The following DMRTB1 variants were observed in gnomAD, a reference collection of about 807,000 sequenced individuals.
The protein encoded by DMRTB1 is doublesex- and mab-3-related transcription factor B1.
DMRTB1 carries 9 observed loss-of-function variants against 25.2 expected under a neutral mutation model. The ratio of observed to expected loss-of-function variants is 0.36; its 90% CI spans 0.22 to 0.62. DMRTB1 has a LOEUF of 0.62. DMRTB1 is among the 20% of genes least tolerant of loss of function. The pLI is 0.71. For missense variants in DMRTB1, 551 were observed against 499.3 expected, an observed-to-expected ratio of 1.10 and a Z score of -0.99; for synonymous variants, 269 against 238.1, an observed-to-expected ratio of 1.13 and a Z score of -1.20.
rs201603810 is a variant in DMRTB1, at chr1:53,459,636, C to T, written c.183C>T (p.Ala61=). ...AGAAGGTGCTCAAGACGCAGGCCGC[C>T]GAGGAGGAGCAGGAGGCGGCCCTGT... ...AAQKVLKTQA[A]EEEQEAALCA... Residue 61 remains alanine, a synonymous_variant, in exon 1 of 4, where the codon GCC becomes GCT. Transcript: ENST00000371445. The T allele has an allele frequency of 1.9e-4, 293 of 1,560,910 alleles. 1 individual carries two copies. In the East Asian group the frequency reaches 5.5e-3, roughly 29 times the overall value.
Position 53,459,668 on chromosome 1 carries a change from A to C in DMRTB1, c.215A>C (p.Gln72Pro). 6.5e-7 allele frequency: 1 copy of C among 1,547,412 alleles called. No individual in the cohort carries two copies. The highest frequency in any genetic ancestry group is 8.7e-7 in the Non-Finnish European group (1 of 1,146,500). ...GAGCAGGAGGCGGCCCTGTGTGCGCAGGGGCCCAAGCAGGCCTCCGGGGCT... is the reference window on the plus strand; with the variant it reads ...GAGCAGGAGGCGGCCCTGTGTGCGCCGGGGCCCAAGCAGGCCTCCGGGGCT... ...EEEQEAALCA[Q>P]GPKQASGAAA... Residue 72 changes from glutamine to proline, a missense_variant, in exon 1 of 4, where the codon CAG (glutamine) becomes CCG (proline). Transcript: ENST00000371445.
Position 53,466,706 on chromosome 1 carries a change from G to A in DMRTB1, c.*44G>A, listed in dbSNP as rs1186810071. ...TGGCCAGCAGAGTGGGGCACTGGGG[G>A]GCAACAGCAACAGTTTTCTTGTCTT... On this transcript the variant is annotated 3_prime_UTR_variant, in exon 4 of 4. Coordinates refer to ENST00000371445, the MANE Select transcript of DMRTB1 (RefSeq NM_033067.3). 1 of 1,587,158 alleles carries A rather than the reference G, an allele frequency of 6.3e-7. No homozygotes were observed. The highest frequency in any genetic ancestry group is 8.6e-7 in the Non-Finnish European group (1 of 1,160,028).
chr1:53,459,771 C>T lies in DMRTB1; in HGVS notation c.318C>T (p.Asp106=). Residue 106 remains aspartate (D), a synonymous_variant, in exon 1 of 4, where the codon GAC becomes GAT. Coordinates refer to ENST00000371445, the MANE Select transcript of DMRTB1 (RefSeq NM_033067.3). The part of the protein sequence containing the change: ...RPLSPGTPSG[D]ADPGPEGRAA... ...TGTCCCCGGGGACTCCCTCCGGAGA[C>T]GCCGACCCGGGACCCGAGGGCCGCG... The T allele has an allele frequency of 2.2e-6, 3 of 1,378,218 alleles. No homozygotes were observed. Among genetic ancestry groups the T allele is most frequent in the South Asian group, 1.5e-5 (1 of 65,690 alleles). The allele number at this position is 1,378,218 out of a possible 1,614,324, so 85.4% of individuals were successfully genotyped here. A position where few individuals can be genotyped will look rare whatever the true frequency, so the allele number is the denominator to read the frequency against.
intron 2 of DMRTB1, among the ~76,000 whole-genome samples, chr1:53,464,055 G>A (rs1401470251): frequency 2.6e-5 from 4 of 152,162 alleles, no homozygotes; most frequent in Non-Finnish European, 4.4e-5. Context: ...AAACAGCTGC[G>A]CTACACCCAC....
chr1:53,466,744 T>C lies in DMRTB1; in HGVS notation c.*82T>C, dbSNP rs150600400. On this transcript the variant is annotated 3_prime_UTR_variant, in exon 4 of 4. Transcript: ENST00000371445. ...GTTTTCTTGTCTTCATTCAGTGATA[T>C]GTAGGGAGGAAGGAGGTTGATAGCA... 824 of 1,412,370 alleles carry C rather than the reference T, an allele frequency of 5.8e-4. 8 individuals carry two copies. In the South Asian group the frequency reaches 6.7e-3, roughly 12 times the overall value. 87.5% of individuals were successfully genotyped at this position (1,412,370 alleles called of 1,614,324 possible). A position where few individuals can be genotyped will look rare whatever the true frequency, so the allele number is the denominator to read the frequency against.
At chr1:53,462,012 A>G (rs1249477248) in intron 2 of DMRTB1, among the ~76,000 whole-genome samples, 2 of 152,188 alleles carry the variant, frequency 1.3e-5, no homozygotes, top group Non-Finnish European at 2.9e-5. Context: ...TTTAGGGCAG[A>G]GCCAGGACCA....
intron 2 of DMRTB1, among the ~76,000 whole-genome samples, chr1:53,464,290 C>G (rs910484646): frequency 1.3e-5 from 2 of 152,178 alleles, no homozygotes; most frequent in Non-Finnish European, 2.9e-5. Context: ...GTAGCTTCAT[C>G]TCACTGAACC....
intron 2 of DMRTB1, 42 bp downstream of exon 2, chr1:53,461,687 G>A (rs373692183): frequency 8.0e-6 from 12 of 1,508,260 alleles, no homozygotes; most frequent in Non-Finnish European, 1.1e-5. Flanking sequence ...CCTCCACCCA[G>A]TCTGCCCCTG....
Position 53,464,570 on chromosome 1 carries a change from T to C in DMRTB1, c.751-67T>C, listed in dbSNP as rs1287735448. 14 of 1,610,396 alleles carry C rather than the reference T, an allele frequency of 8.7e-6. No individual in the cohort carries two copies. The Admixed American group carries it at 1.2e-4, about 13-fold the overall frequency. ...AGCCCCCCACTTCAGGGGTGAGAGC[T>C]ATGTTTGGTCAGCCCATCTGGCTAA... On this transcript the variant is annotated intron_variant, in intron 2 of 3. Transcript: ENST00000371445.
intron 1 of DMRTB1, 146 bp from the exon 2 acceptor site, chr1:53,461,327 G>A: frequency 1.3e-6 from 1 of 797,074 alleles, no homozygotes; most frequent in Non-Finnish European, 1.8e-6. Context: ...GGAGGATGGA[G>A]ATGCAGTGAG....
chr1:53,460,127 G>A, intron 1 of DMRTB1, 97 bp downstream of exon 1: 2 of 1,395,068 alleles, frequency 1.4e-6, no homozygotes, highest in Non-Finnish European at 1.9e-6. Flanking sequence ...GTGGAGAGAA[G>A]TTTTTCCACG....
Position 53,459,959 on chromosome 1 carries a change from G to A in DMRTB1, c.506G>A (p.Ser169Asn), listed in dbSNP as rs1644009933. Reference sequence around the variant, plus strand: ...CCTTTTGGGGCGGAGGCCGCAGGCAGTGGCTACCCTGGCCCCCTAGACCTG... The same window carrying A: ...CCTTTTGGGGCGGAGGCCGCAGGCAATGGCTACCCTGGCCCCCTAGACCTG... ...GPPFGAEAAG[S>N]GYPGPLDLRR... Residue 169 changes from serine (S) to asparagine (N), a missense_variant, in exon 1 of 4, where the codon AGT becomes AAT. Ser to Asn is a conservative substitution (Grantham distance 46). Transcript: ENST00000371445. 6.3e-7 allele frequency: 1 copy of A among 1,577,422 alleles called. No individual in the cohort carries two copies. The highest frequency in any genetic ancestry group is 8.5e-7 in the Non-Finnish European group (1 of 1,171,188).
chr1:53,459,479 C>T lies in DMRTB1; in HGVS notation c.26C>T (p.Pro9Leu). MADKMVRTPKCSRCRNHGF... is the reference protein window; with the variant it reads MADKMVRTLKCSRCRNHGF... Reference sequence around the variant, plus strand: ...ATGGCCGACAAAATGGTGCGCACCCCCAAGTGCTCGAGATGCAGGAACCAT... The same window carrying T: ...ATGGCCGACAAAATGGTGCGCACCCTCAAGTGCTCGAGATGCAGGAACCAT... The change falls in exon 1 of 4, where the codon CCC becomes CTC. Residue 9 changes from proline to leucine, a missense_variant. Pro to Leu is a moderately conservative substitution (Grantham distance 98, BLOSUM62 -3). Transcript: ENST00000371445. 1.5e-5 allele frequency: 25 copies of T among 1,613,196 alleles called. No homozygotes were observed. The highest frequency in any genetic ancestry group is 2.1e-5 in the Non-Finnish European group (25 of 1,180,012).
At position 53,466,518 on chromosome 1, in the gene DMRTB1, A is replaced by T; in HGVS notation, c.962-77A>T. 2.1e-6 allele frequency: 3 copies of T among 1,406,736 alleles called. No individual in the cohort carries two copies. In the East Asian group the frequency reaches 6.9e-5, roughly 32 times the overall value. 87.1% of individuals were successfully genotyped at this position (1,406,736 alleles called of 1,614,324 possible). The stretch of plus-strand genomic sequence containing the variant: ...AAAAATTAAAATAAAATAAGAAAAA[A>T]GAAAATCTTCATCTGCAAATAGGTA... On this transcript the variant is annotated intron_variant, in intron 3 of 3. Coordinates refer to ENST00000371445, the MANE Select transcript of DMRTB1 (RefSeq NM_033067.3).
intron 2 of DMRTB1, among the ~76,000 whole-genome samples, chr1:53,462,172 T>G (rs185683061): frequency 9.3e-4 from 141 of 152,310 alleles, no homozygotes; most frequent in Non-Finnish European, 1.4e-3. Context: ...AGAATGAAAT[T>G]TAATCCTTTT....
At chr1:53,461,715 C>T (rs922182767) in intron 2 of DMRTB1, 70 bp downstream of exon 2, 114 of 1,478,084 alleles carry the variant, frequency 7.7e-5, no homozygotes, top group Middle Eastern at 7.2e-4. Context: ...GATGGATCCT[C>T]AGTCCCAGGA....
At chr1:53,460,782 G>A (rs1003238497) in intron 1 of DMRTB1, among the ~76,000 whole-genome samples, 13 of 152,232 alleles carry the variant, frequency 8.5e-5, no homozygotes, top group African/African-American at 3.1e-4. Context: ...TGGTGGTGTG[G>A]TGGGACGGGC....
chr1:53,465,300 G>C (rs572209616), intron 3 of DMRTB1, among the ~76,000 whole-genome samples: 1 of 152,230 alleles, frequency 6.6e-6, no homozygotes, highest in East Asian at 1.9e-4. Context: ...GTGGGGCTGT[G>C]CCTCTGCCCC....
intron 2 of DMRTB1, among the ~76,000 whole-genome samples, chr1:53,463,605 G>A (rs1644034735): frequency 6.6e-6 from 1 of 152,198 alleles, no homozygotes; most frequent in African/African-American, 2.4e-5. Flanking sequence ...ACGAAGTTAG[G>A]AAGTGCTGGG....
Sources: gnomAD v4.1 joint callset for allele counts (sites outside exome capture counted in the v4.1 genomes callset) on GRCh38, gnomAD v4.1.1 for gene constraint, MANE v1.5 for transcripts, NCBI Gene and HGNC (gene_info 2026-07-23, HGNC 2026-07-21) for gene names.